Variants in ADD2 observed in about 807,000 individuals in gnomAD.
The protein encoded by ADD2 is adducin 2.
A neutral mutation model predicts 83.0 loss-of-function variants in ADD2; 23 were observed. That is an observed-to-expected ratio of 0.28 (90% confidence interval 0.20 to 0.39). The LOEUF is 0.39. ADD2 is among the 10% of genes least tolerant of loss of function. ADD2 has a pLI of 1.00. For missense variants in ADD2, 758 were observed against 944.9 expected, an observed-to-expected ratio of 0.80 and a Z score of 2.59; for synonymous variants, 375 against 375.4, an observed-to-expected ratio of 1.00 and a Z score of 0.01.
chr2:70,766,116 T>C (rs536784075), intron 1 of ADD2, among the ~76,000 whole-genome samples: 4 of 152,338 alleles, frequency 2.6e-5, no homozygotes, highest in South Asian at 4.1e-4. Context: ...TTGTTGTACA[T>C]TGTGTATATG....
chr2:70,659,151 A>G lies in ADD2; in HGVS notation c.*4274T>C, dbSNP rs1675456894. On this transcript the variant is annotated 3_prime_UTR_variant, in exon 16 of 16. Coordinates refer to ENST00000264436, the MANE Select transcript of ADD2 (RefSeq NM_001617.4). Reference sequence around the variant, plus strand: ...CAAAGAGCAAAGCTCCGTCTAAAAAAAAAAAAAAAAAAAAAAAAAAAGAAA... The same window carrying G: ...CAAAGAGCAAAGCTCCGTCTAAAAAGAAAAAAAAAAAAAAAAAAAAAGAAA... The G allele has an allele frequency of 6.7e-6, 1 of 148,520 alleles. No individual in the cohort carries two copies. The highest frequency in any genetic ancestry group is 3.4e-3 in the Middle Eastern group (1 of 290). The allele number at this position is 148,520 out of a possible 1,614,324, so 9.2% of individuals were successfully genotyped here. A position where few individuals can be genotyped will look rare whatever the true frequency, so the allele number is the denominator to read the frequency against.
intron 4 of ADD2, 116 bp from the exon 5 acceptor site, chr2:70,696,512 A>G: frequency 4.3e-6 from 6 of 1,383,034 alleles, no homozygotes; most frequent in Non-Finnish European, 3.0e-6. Context: ...TTCCCCAGGC[A>G]GGGAATTAAA....
At chr2:70,761,296 G>T (rs190452354) in intron 1 of ADD2, among the ~76,000 whole-genome samples, 3 of 151,576 alleles carry the variant, frequency 2.0e-5, no homozygotes, top group Non-Finnish European at 4.4e-5. Flanking sequence ...AAAAGTTAGT[G>T]GGGGTAGATG....
chr2:70,698,262 TACTC>T (rs1340386853), intron 4 of ADD2, among the ~76,000 whole-genome samples: 2 of 152,044 alleles, frequency 1.3e-5, no homozygotes, highest in Non-Finnish European at 2.9e-5. Flanking sequence ...GGTCTGAAAA[TACTC>T]ACCCCATCAC....
chr2:70,745,787 T>C (rs1170723137), intron 1 of ADD2, among the ~76,000 whole-genome samples: 2 of 152,174 alleles, frequency 1.3e-5, no homozygotes, highest in Non-Finnish European at 2.9e-5. Flanking sequence ...GGGACATATG[T>C]GAGGTGGTAT....
chr2:70,732,119 A>G (rs1224913187), intron 1 of ADD2, among the ~76,000 whole-genome samples: 3 of 152,242 alleles, frequency 2.0e-5, no homozygotes, highest in Non-Finnish European at 4.4e-5. Flanking sequence ...CACAGGCAGC[A>G]GGGGAGAACC....
intron 4 of ADD2, 58 bp downstream of exon 4, chr2:70,704,263 T>TGGCCCCCCCCCCCCACCCCCCCCC: frequency 1.1e-6 from 1 of 913,238 alleles, no homozygotes; most frequent in Non-Finnish European, 1.7e-6. Flanking sequence ...CTCCCTCTCT[T>TGGCCCCCCCCCCCCACCCCCCCCC]CCCCACCCCA....
In ADD2 at chr2:70,695,804, G is replaced by A. The variant is rs910448202; in HGVS notation, c.475-3C>T. ...TCCTGCTCCTTGCTGACTCTCAACT[G>A]GAGGAAAGACACAAGTTCTCAGGGG... On this transcript the variant is annotated splice_region_variant and splice_polypyrimidine_tract_variant and intron_variant, in intron 5 of 15. Transcript: ENST00000264436. 3.9e-5 allele frequency: 63 copies of A among 1,613,680 alleles called. No homozygotes were observed. The highest frequency in any genetic ancestry group is 5.3e-5 in the Non-Finnish European group (62 of 1,179,868).
chr2:70,663,901 G>A (rs1158416322), intron 15 of ADD2, among the ~76,000 whole-genome samples, 166 bp from the exon 16 acceptor site: 1 of 152,182 alleles, frequency 6.6e-6, no homozygotes, highest in Non-Finnish European at 1.5e-5. Flanking sequence ...GGAAGGACTG[G>A]GTTCTGATCT....
At chr2:70,684,865 A>G (rs1298823479) in intron 9 of ADD2, among the ~76,000 whole-genome samples, 3 of 152,224 alleles carry the variant, frequency 2.0e-5, no homozygotes, top group African/African-American at 7.2e-5. Flanking sequence ...AGGTGTGTGT[A>G]TATAGCAGGC....
rs539116829 is a variant in ADD2, at chr2:70,704,067, G to A, written c.322+254C>T. ...ACACAGGCTTCAGTGGTCTCTTCCC[G>A]TCCACTGAAGTCACCTCCACCCTCT... On this transcript the variant is annotated intron_variant, in intron 4 of 15. Coordinates refer to ENST00000264436, the MANE Select transcript of ADD2 (RefSeq NM_001617.4). Among the ~76,000 whole-genome samples, 102 of 152,124 alleles carry A rather than the reference G, an allele frequency of 6.7e-4. 5 individuals are homozygous for A. The highest frequency in any genetic ancestry group is 1.2e-4 in the African/African-American group (5 of 41,478).
chr2:70,746,800 C>A (rs1417355189), intron 1 of ADD2, among the ~76,000 whole-genome samples: 1 of 152,176 alleles, frequency 6.6e-6, no homozygotes, highest in Admixed American at 6.5e-5. Flanking sequence ...CAACAGCCCC[C>A]ATGCCTGGCC....
Position 70,676,357 on chromosome 2 carries a change from A to G in ADD2, c.1593+439T>C. 1 of 1,072,372 alleles carries G rather than the reference A, an allele frequency of 9.3e-7. No individual in the cohort carries two copies. Among genetic ancestry groups the G allele is most frequent in the Non-Finnish European group, 1.1e-6 (1 of 885,352 alleles). 66.4% of individuals were successfully genotyped at this position (1,072,372 alleles called of 1,614,324 possible). A position where few individuals can be genotyped will look rare whatever the true frequency, so the allele number is the denominator to read the frequency against. On this transcript the variant is annotated intron_variant, in intron 13 of 15. Transcript: ENST00000264436. This position sits in a 1 kb window ranked among gnomAD's most constrained non-coding sequence, Gnocchi z 4.8. ...GTCTATATACCCCTTCTCTATGGGT[A>G]CATGATCATCTTTCCAGAGCTCTGG... is the stretch of plus-strand genomic sequence containing the variant.
intron 1 of ADD2, among the ~76,000 whole-genome samples, chr2:70,729,347 C>T (rs1385132590): frequency 6.6e-6 from 1 of 152,186 alleles, no homozygotes; most frequent in East Asian, 1.9e-4. Context: ...GCCACTTCCC[C>T]AAGCCTTGTT....
At chr2:70,665,473 G>A (rs1178979329) in intron 15 of ADD2, among the ~76,000 whole-genome samples, 1 of 152,116 alleles carries the variant, frequency 6.6e-6, no homozygotes, top group Non-Finnish European at 1.5e-5. Context: ...GTAATACTGT[G>A]GCCATCACTT....
intron 1 of ADD2, among the ~76,000 whole-genome samples, chr2:70,753,666 A>G (rs568684346): frequency 6.6e-6 from 1 of 152,140 alleles, no homozygotes; most frequent in Admixed American, 6.5e-5. Flanking sequence ...AGGCACCCAG[A>G]AAGGTGGGTG....
chr2:70,735,913 G>A (rs1416057204), intron 1 of ADD2, among the ~76,000 whole-genome samples: 10 of 136,776 alleles, frequency 7.3e-5, no homozygotes, highest in African/African-American at 2.8e-4. Context: ...ATGTTGGCCA[G>A]GCTGGTTTTG....
intron 15 of ADD2, among the ~76,000 whole-genome samples, chr2:70,664,000 T>C (rs1675649126): frequency 1.3e-5 from 2 of 152,112 alleles, no homozygotes; most frequent in Non-Finnish European, 2.9e-5. Flanking sequence ...GATATTAATG[T>C]CTGAAGTGGC....
intron 1 of ADD2, among the ~76,000 whole-genome samples, chr2:70,758,607 A>G (rs1553384306): frequency 1.3e-5 from 2 of 152,196 alleles, no homozygotes; most frequent in Non-Finnish European, 2.9e-5. Context: ...AAGATCAACT[A>G]TGCAACATAG....
Sources: gnomAD v4.1 joint callset for allele counts (sites outside exome capture counted in the v4.1 genomes callset) on GRCh38, gnomAD v4.1.1 for gene constraint, Gnocchi (gnomAD v3.1) non-coding constraint, MANE v1.5 for transcripts, NCBI Gene and HGNC (gene_info 2026-07-23, HGNC 2026-07-21) for gene names.